The following FBXL2 variants were observed in gnomAD, a reference collection of about 807,000 sequenced individuals.
FBXL2 encodes F-box/LRR-repeat protein 2.
FBXL2 carries 38 observed loss-of-function variants against 69.2 expected under a neutral mutation model. The ratio of observed to expected loss-of-function variants is 0.55; its 90% confidence interval spans 0.42 to 0.72. The LOEUF is 0.72. Among genes scored for constraint, FBXL2 ranks in the 30% least tolerant of loss-of-function variants. The probability of loss-of-function intolerance (pLI) is 0.00; values close to 1 mark genes in which losing one functional copy is unlikely to be tolerated. For synonymous variants in FBXL2, 192 were observed against 201.3 expected, an observed-to-expected ratio of 0.95 and a Z score of 0.39; for missense variants, 354 against 520.3, an observed-to-expected ratio of 0.68 and a Z score of 3.11.
At chr3:33,374,294 T>C (rs1345627311) in intron 9 of FBXL2, among the ~76,000 whole-genome samples, 2 of 152,210 alleles carry the variant, frequency 1.3e-5, no homozygotes, top group African/African-American at 2.4e-5. Context: ...CCTCTCACGT[T>C]GTTTCAGTGG....
At chr3:33,410,999 G>T in the FBXL2 span, among the ~76,000 whole-genome samples, 2 of 151,756 alleles carry the variant, frequency 1.3e-5, no homozygotes, top group African/African-American at 4.9e-5. Flanking sequence ...CTTGAATCTG[G>T]GAGGCGGAGA....
chr3:33,292,844 C>G (rs74555229), intron 1 of FBXL2, among the ~76,000 whole-genome samples: 3,554 of 152,068 alleles, frequency 0.023, 64 homozygotes, highest in Admixed American at 0.061. Flanking sequence ...GTTGGCTATA[C>G]TAATATCAGA....
chr3:33,363,600 C>T (rs531555506), intron 4 of FBXL2, among the ~76,000 whole-genome samples: 228 of 152,250 alleles, frequency 1.5e-3, no homozygotes, highest in Non-Finnish European at 2.2e-3. Context: ...GACCTTTATT[C>T]CTGAAGGTCT....
At chr3:33,379,151 G>A (rs1012527523) in intron 13 of FBXL2, among the ~76,000 whole-genome samples, 8 of 151,868 alleles carry the variant, frequency 5.3e-5, no homozygotes, top group South Asian at 2.1e-4. Context: ...ACAAACATGC[G>A]CCACCATGCC....
chr3:33,318,794 A>T (rs1216144673), intron 2 of FBXL2, among the ~76,000 whole-genome samples: 2 of 152,220 alleles, frequency 1.3e-5, no homozygotes, highest in African/African-American at 4.8e-5. Context: ...AAAGGTCAGC[A>T]GGGCAATCCT....
chr3:33,397,669 A>AAC (rs1457762685), intron 12 of FBXL2: 2 of 152,154 alleles, frequency 1.3e-5, no homozygotes, highest in Admixed American at 6.5e-5. Context: ...TTATAACATA[A>AAC]ACAACTCTGT....
intron 2 of FBXL2, among the ~76,000 whole-genome samples, chr3:33,301,254 T>A (rs2036270886): frequency 6.6e-6 from 1 of 152,208 alleles, no homozygotes; most frequent in East Asian, 1.9e-4. Flanking sequence ...CTTGTTGAAT[T>A]CCTATTCACC....
chr3:33,287,763 C>G (rs995826772), intron 1 of FBXL2, among the ~76,000 whole-genome samples: 1 of 152,224 alleles, frequency 6.6e-6, no homozygotes, highest in Non-Finnish European at 1.5e-5. Context: ...AAAGCCTGGG[C>G]TCTTAACCAT....
At chr3:33,400,991 C>T in intron 12 of FBXL2, 1 of 1,592,274 alleles carries the variant, frequency 6.3e-7, no homozygotes, top group Non-Finnish European at 8.5e-7. Flanking sequence ...GCTCCATCTC[C>T]CTGATGATTT....
In FBXL2 at chr3:33,402,790, A is replaced by G. The variant is rs150554982; in HGVS notation, n.1215-444A>G. ...GTTAGCTGCAGGCACACGATCACAC[A>G]AACTAGATACCTGTCTGGGACACTG... On this transcript the variant is annotated intron_variant and non_coding_transcript_variant, in intron 12 of 12. Coordinates refer to the FBXL2 transcript ENST00000463736. 63 of 1,537,970 alleles carry G rather than the reference A, an allele frequency of 4.1e-5. No homozygotes were observed. In the South Asian group the frequency reaches 7.8e-4, roughly 19 times the overall value.
chr3:33,373,304 T>C lies in FBXL2; in HGVS notation c.404T>C (p.Leu135Pro). Residue 135 changes from leucine (L) to proline (P), a missense_variant, in exon 7 of 15, where the codon CTG becomes CCG. Physicochemically the swap from Leu to Pro is moderately conservative, Grantham distance 98 (BLOSUM62 -3). Transcript: ENST00000484457. The part of the protein sequence containing the change: ...LSRFCSKLKH[L>P]DLTSCVSITN... ...AGATTCTGTTCCAAGCTGAAACATC[T>C]GGATCTGACCTCCTGTGTGTCTATT... 6.2e-7 allele frequency: 1 copy of C among 1,614,208 alleles called. No homozygotes were observed. The highest frequency in any genetic ancestry group is 8.5e-7 in the Non-Finnish European group (1 of 1,180,014).
intron 4 of FBXL2, among the ~76,000 whole-genome samples, chr3:33,362,253 G>C (rs2041677119): frequency 2.0e-5 from 3 of 152,146 alleles, no homozygotes; most frequent in Admixed American, 2.0e-4. Context: ...TTTAAAACTT[G>C]GACATTTTGT....
intron 2 of FBXL2, among the ~76,000 whole-genome samples, chr3:33,315,248 CT>C (rs1307254555): frequency 8.6e-5 from 10 of 115,610 alleles, no homozygotes; most frequent in African/African-American, 3.3e-4. Context: ...CTTTTTTTTC[CT>C]TTCTTTCTTT....
chr3:33,300,925 G>T (rs563720006), intron 2 of FBXL2, among the ~76,000 whole-genome samples: 2 of 151,066 alleles, frequency 1.3e-5, no homozygotes, highest in East Asian at 3.9e-4. Flanking sequence ...CCGTGGTCTC[G>T]ATCTCCTGAC....
At chr3:33,299,558 T>C (rs895802559) in intron 2 of FBXL2, among the ~76,000 whole-genome samples, 1 of 152,212 alleles carries the variant, frequency 6.6e-6, no homozygotes, top group South Asian at 2.1e-4. Context: ...TCACATTTGC[T>C]GTCATCAGGT....
At chr3:33,310,466 A>G (rs1010377665) in intron 2 of FBXL2, among the ~76,000 whole-genome samples, 1 of 152,034 alleles carries the variant, frequency 6.6e-6, no homozygotes, top group African/African-American at 2.4e-5. Context: ...TAATAGTTTT[A>G]TATTTTAATC....
chr3:33,327,609 G>C (rs2125816639), intron 2 of FBXL2, among the ~76,000 whole-genome samples: 1 of 152,082 alleles, frequency 6.6e-6, no homozygotes, highest in South Asian at 2.1e-4. Context: ...GATAAAATCA[G>C]AATAGAAAAA....
In FBXL2 at chr3:33,297,644, C is replaced by T; in HGVS notation, c.4-20C>T. On this transcript the variant is annotated intron_variant, in intron 1 of 14. Transcript: ENST00000484457. ...GATTAAAGAACATTTTCACAATTTCCTTTTTTTTTTTCTTTCCAGGTTTTC... is the reference window on the plus strand; with the variant it reads ...GATTAAAGAACATTTTCACAATTTCTTTTTTTTTTTTCTTTCCAGGTTTTC... 14 of 1,136,950 alleles carry T rather than the reference C, an allele frequency of 1.2e-5. No individual in the cohort carries two copies. The highest frequency in any genetic ancestry group is 1.7e-5 in the Non-Finnish European group (14 of 824,900). 70.4% of individuals were successfully genotyped at this position (1,136,950 alleles called of 1,614,324 possible). A position where few individuals can be genotyped will look rare whatever the true frequency, so the allele number is the denominator to read the frequency against.
At chr3:33,389,420 C>T (rs1467768820), downstream of FBXL2, 1 of 115,082 alleles carries the variant, frequency 8.7e-6, no homozygotes, top group African/African-American at 3.4e-5. Context: ...CTTGGGTCAC[C>T]TATTTCCAAT....
Sources: gnomAD v4.1 joint callset for allele counts (sites outside exome capture counted in the v4.1 genomes callset) on GRCh38, gnomAD v4.1.1 for gene constraint, MANE v1.5 for transcripts, NCBI Gene and HGNC (gene_info 2026-07-23, HGNC 2026-07-21) for gene names.